Variants in PPIG observed in about 807,000 individuals in gnomAD.
PPIG encodes peptidyl-prolyl cis-trans isomerase G.
PPIG carries 26 observed loss-of-function variants against 87.9 expected under a neutral mutation model. The ratio of observed to expected loss-of-function variants is 0.30; its 90% CI spans 0.22 to 0.41. The LOEUF is 0.41. Among genes scored for constraint, PPIG ranks in the 10% least tolerant of loss-of-function variants. The pLI is 1.00. For synonymous variants in PPIG, 308 were observed against 276.5 expected (o/e 1.11, Z -1.13); for missense variants, 722 against 879.4 (o/e 0.82, Z 2.26).
intron 1 of PPIG, among the ~76,000 whole-genome samples, chr2:169,591,383 A>T (rs1328882579): frequency 6.6e-6 from 1 of 152,184 alleles, no homozygotes; most frequent in Non-Finnish European, 1.5e-5. Context: ...ATTGAAATAC[A>T]AAAGTGACTA....
intron 9 of PPIG, among the ~76,000 whole-genome samples, chr2:169,617,555 C>A (rs1685636530): frequency 6.6e-6 from 1 of 152,130 alleles, no homozygotes; most frequent in Non-Finnish European, 1.5e-5. Flanking sequence ...TGTAGTTCTC[C>A]TTGAAGAGGT....
chr2:169,604,323 C>CT, intron 4 of PPIG, 62 bp downstream of exon 4: 2 of 572,862 alleles, frequency 3.5e-6, no homozygotes, highest in Non-Finnish European at 5.5e-6. Context: ...TGCTTGCTTG[C>CT]TTGGTTTTTT....
In PPIG at chr2:169,637,400, C is replaced by T. The variant is rs772536957; in HGVS notation, c.2142C>T (p.Ile714=). The change falls in exon 14 of 14, where the codon ATC becomes ATT. Residue 714 remains isoleucine, a synonymous_variant. Coordinates refer to ENST00000260970, the MANE Select transcript of PPIG (RefSeq NM_004792.3). ...SMLKNKEDEK[I]RSSVEKENQK... ...TGAAAAATAAGGAGGATGAGAAGATCAGATCCTCAGTGGAAAAAGAAAACC... is the reference window on the plus strand; with the variant it reads ...TGAAAAATAAGGAGGATGAGAAGATTAGATCCTCAGTGGAAAAAGAAAACC... The T allele has an allele frequency of 3.1e-6, 5 of 1,612,808 alleles. No homozygotes were observed. The highest frequency in any genetic ancestry group is 4.2e-6 in the Non-Finnish European group (5 of 1,179,706).
chr2:169,604,031 G>C lies in PPIG; in HGVS notation c.-11G>C. 6.2e-7 allele frequency: 1 copy of C among 1,612,394 alleles called. No homozygotes were observed. Among genetic ancestry groups the C allele is most frequent in the Non-Finnish European group, 8.5e-7 (1 of 1,178,772 alleles). ...AAACTGTATTTTACTCACAGATTAA[G>C]TATTGGAGCCATGGGAATAAAGGTT... On this transcript the variant is annotated 5_prime_UTR_variant, in exon 3 of 14. Coordinates refer to ENST00000260970, the MANE Select transcript of PPIG (RefSeq NM_004792.3).
At chr2:169,625,338 G>A (rs138793242) in intron 9 of PPIG, among the ~76,000 whole-genome samples, 2 of 152,124 alleles carry the variant, frequency 1.3e-5, no homozygotes, top group East Asian at 1.9e-4. Context: ...ATTATTCCAC[G>A]TGTGTGTGAA....
In PPIG at chr2:169,638,686, G is replaced by A. The variant is rs1477922125; in HGVS notation, c.*1163G>A. The A allele has an allele frequency of 6.6e-6, 1 of 151,952 alleles. No individual in the cohort carries two copies. Among genetic ancestry groups the A allele is most frequent in the African/African-American group, 2.4e-5 (1 of 41,412 alleles). The allele number at this position is 151,952 out of a possible 1,614,324, so 9.4% of individuals were successfully genotyped here. Reference sequence around the variant, plus strand: ...ATTTTAACTTGGCATGTATAACATTGCCATATAGAGTAGAGTAGAAAGTTG... The same window carrying A: ...ATTTTAACTTGGCATGTATAACATTACCATATAGAGTAGAGTAGAAAGTTG... On this transcript the variant is annotated 3_prime_UTR_variant, in exon 14 of 14. Coordinates refer to ENST00000260970, the MANE Select transcript of PPIG (RefSeq NM_004792.3).
rs373647828 is a variant in PPIG, at chr2:169,636,570, A to T, written c.1312A>T (p.Ile438Phe). Residue 438 changes from isoleucine (I) to phenylalanine (F), a missense_variant, in exon 14 of 14, where the codon ATC becomes TTC. Ile to Phe is a conservative substitution (Grantham distance 21). Around this residue, in one of 4 missense-constraint regions of PPIG, gnomAD observed 476 missense variants for 483.1 expected, o/e 0.99. Transcript: ENST00000260970. ...TAAATCTAACAGCAAAGAGAGAGAC[A>T]TCAGAAGAAATTCAGAAAAAGATGA... ...DHKSNSKERD[I>F]RRNSEKDDKY... The T allele has an allele frequency of 3.1e-6, 5 of 1,598,752 alleles. No individual in the cohort carries two copies. Among genetic ancestry groups the T allele is most frequent in the Non-Finnish European group, 4.3e-6 (5 of 1,176,366 alleles).
chr2:169,595,438 A>G (rs1684991442), intron 1 of PPIG, among the ~76,000 whole-genome samples: 1 of 152,160 alleles, frequency 6.6e-6, no homozygotes, highest in Non-Finnish European at 1.5e-5. Context: ...CTTTATTTTT[A>G]AATATACAAT....
rs1686072115 is a variant in PPIG, at chr2:169,632,108, ATTG to A, written c.929+176_929+178del. 2.0e-5 allele frequency among the ~76,000 whole-genome samples: 3 copies of A among 152,354 alleles called. No individual in the cohort carries two copies. In the South Asian group the frequency reaches 6.2e-4, roughly 32 times the overall value. On this transcript the variant is annotated intron_variant, in intron 11 of 13. Transcript: ENST00000260970. The stretch of plus-strand genomic sequence containing the variant: ...GCCAACCACATAACTAGAAAGGGAA[ATTG>A]ACTTAAATTACAAGTAGGTTCTGAA...
intron 9 of PPIG, among the ~76,000 whole-genome samples, chr2:169,619,703 C>T (rs1685692421): frequency 6.6e-6 from 1 of 151,916 alleles, no homozygotes; most frequent in Admixed American, 6.6e-5. Flanking sequence ...ACATTCCCAC[C>T]AACAGTTTAC....
chr2:169,596,599 A>G (rs921740955), intron 1 of PPIG, among the ~76,000 whole-genome samples: 12 of 152,132 alleles, frequency 7.9e-5, no homozygotes, highest in Admixed American at 2.0e-4. Flanking sequence ...CATGAAACCT[A>G]AAGAAAATTG....
At chr2:169,608,558 CTAAG>C in intron 6 of PPIG, 109 bp from the exon 7 acceptor site, 1 of 547,928 alleles carries the variant, frequency 1.8e-6, no homozygotes, top group South Asian at 2.4e-5. Flanking sequence ...ACTTTATTAT[CTAAG>C]TAAGTTGTGT....
intron 4 of PPIG, 85 bp from the exon 5 acceptor site, chr2:169,605,954 A>C: frequency 1.1e-6 from 1 of 906,452 alleles, no homozygotes; most frequent in East Asian, 2.5e-5. Flanking sequence ...TGCAGGGTTC[A>C]AGAGGGGCAT....
chr2:169,620,270 G>A (rs1685709629), intron 9 of PPIG, among the ~76,000 whole-genome samples: 2 of 152,046 alleles, frequency 1.3e-5, no homozygotes, highest in African/African-American at 4.8e-5. Flanking sequence ...TGCATTATAA[G>A]GGTCTGATTT....
chr2:169,633,485 C>A, intron 12 of PPIG: 1 of 537,848 alleles, frequency 1.9e-6, no homozygotes, highest in South Asian at 2.7e-5. Flanking sequence ...GGATCGAGGT[C>A]TTTCTTGTCT....
chr2:169,610,224 T>G (rs1324211082), intron 7 of PPIG, among the ~76,000 whole-genome samples: 1 of 152,214 alleles, frequency 6.6e-6, no homozygotes, highest in African/African-American at 2.4e-5. Flanking sequence ...TCTTCAACAT[T>G]TCTGTTCTTT....
Position 169,638,918 on chromosome 2 carries a change from T to C in PPIG, c.*1395T>C, listed in dbSNP as rs1033676500. 3.3e-5 allele frequency: 5 copies of C among 151,838 alleles called. No individual in the cohort carries two copies. Among genetic ancestry groups the C allele is most frequent in the African/African-American group, 1.2e-4 (5 of 41,378 alleles). 9.4% of individuals were successfully genotyped at this position (151,838 alleles called of 1,614,324 possible). A position where few individuals can be genotyped will look rare whatever the true frequency, so the allele number is the denominator to read the frequency against. The stretch of plus-strand genomic sequence containing the variant: ...CCAATTAATAGGATTCTCTAGAGAG[T>C]TTTGTACTTTAATATTTGTCAGTGT... On this transcript the variant is annotated 3_prime_UTR_variant, in exon 14 of 14. Coordinates refer to ENST00000260970, the MANE Select transcript of PPIG (RefSeq NM_004792.3).
Position 169,636,756 on chromosome 2 carries a change from A to C in PPIG, c.1498A>C (p.Lys500Gln), listed in dbSNP as rs1574467788. Reference protein sequence around the residue: ...KGRDHENVKEKEKQSDSKGKD... With the variant: ...KGRDHENVKEQEKQSDSKGKD... ...AAGGGATCATGAAAATGTTAAAGAA[A>C]AAGAAAAGCAGTCTGATTCTAAAGG... Residue 500 changes from lysine to glutamine, a missense_variant, in exon 14 of 14, where the codon AAA becomes CAA. Transcript: ENST00000260970. The C allele has an allele frequency of 6.2e-7, 1 of 1,612,288 alleles. No individual in the cohort carries two copies.
At chr2:169,607,369 A>G (rs1250220910) in intron 6 of PPIG, among the ~76,000 whole-genome samples, 7 of 152,152 alleles carry the variant, frequency 4.6e-5, no homozygotes, top group East Asian at 1.9e-4. Context: ...AAGGGTTTCA[A>G]TGATCTGTAC....
Sources: allele counts gnomAD v4.1 joint callset (sites outside exome capture counted in the v4.1 genomes callset), GRCh38; gene constraint gnomAD v4.1.1; regional missense constraint gnomAD v4.1.1; transcripts MANE v1.5; gene names NCBI Gene and HGNC (gene_info 2026-07-23, HGNC 2026-07-21).